MAGI2: variants seen among roughly 807,000 people sequenced by gnomAD.
MAGI2 encodes the protein membrane-associated guanylate kinase, WW and PDZ domain-containing protein 2.
In MAGI2, 35 loss-of-function variants were observed where a neutral mutation model predicts 133.3. The ratio of observed to expected loss-of-function variants is 0.26; its 90% CI spans 0.20 to 0.35. MAGI2 has a LOEUF of 0.35. Ranked by LOEUF, MAGI2 falls within the 10% of genes least tolerant of loss-of-function variation. MAGI2 has a pLI of 1.00. For synonymous variants in MAGI2, 729 were observed against 710.6 expected (o/e 1.03, Z -0.41); for missense variants, 1,636 against 1,863.4 (o/e 0.88, Z 2.25).
chr7:78,468,388 G>C (rs1489205206), intron 6 of MAGI2, among the ~76,000 whole-genome samples: 3 of 151,820 alleles, frequency 2.0e-5, no homozygotes, highest in Non-Finnish European at 4.4e-5. Flanking sequence ...GGAGTGGTAG[G>C]GCATGTGACA....
At chr7:79,022,786 C>T (rs899527740) in intron 1 of MAGI2, among the ~76,000 whole-genome samples, 3 of 152,040 alleles carry the variant, frequency 2.0e-5, no homozygotes, top group East Asian at 3.9e-4. Flanking sequence ...CATACACCAT[C>T]CCAAGATTGA....
At chr7:78,205,521 T>A (rs867123039) in intron 10 of MAGI2, among the ~76,000 whole-genome samples, 10 of 152,342 alleles carry the variant, frequency 6.6e-5, no homozygotes, top group African/African-American at 2.4e-4. Context: ...AAACAATGAA[T>A]AATTTTTTTG....
intron 2 of MAGI2, among the ~76,000 whole-genome samples, chr7:78,744,567 G>A (rs575065846): frequency 2.6e-5 from 4 of 152,108 alleles, no homozygotes; most frequent in South Asian, 2.1e-4. Flanking sequence ...CTTGTTTCTC[G>A]TTGTGGTTTG....
intron 2 of MAGI2, chr7:78,901,497 C>A (rs1366509475): frequency 3.3e-5 from 5 of 152,076 alleles, no homozygotes; most frequent in African/African-American, 7.2e-5. Context: ...AATAATGAAG[C>A]TAATGTTTCT....
At chr7:79,198,668 T>A (rs1828310612) in intron 1 of MAGI2, among the ~76,000 whole-genome samples, 1 of 151,912 alleles carries the variant, frequency 6.6e-6, no homozygotes, top group Admixed American at 6.6e-5. Flanking sequence ...AGAGGGAGGA[T>A]CACCTGTTAG....
intron 10 of MAGI2, among the ~76,000 whole-genome samples, chr7:78,232,854 A>C (rs975676182): frequency 1.6e-4 from 25 of 152,336 alleles, no homozygotes; most frequent in African/African-American, 5.8e-4. Context: ...TGACAAAGAG[A>C]TATAAAACAA....
intron 2 of MAGI2, among the ~76,000 whole-genome samples, chr7:78,925,179 C>T (rs1314000730): frequency 2.0e-5 from 3 of 151,958 alleles, no homozygotes; most frequent in Admixed American, 6.6e-5. Flanking sequence ...AGTGGGAAAG[C>T]GACCTTGAGT....
chr7:79,178,423 T>A (rs1826309993), intron 1 of MAGI2, among the ~76,000 whole-genome samples: 1 of 151,956 alleles, frequency 6.6e-6, no homozygotes, highest in Admixed American at 6.6e-5. Context: ...TGTAAACATA[T>A]TAATATTAAG....
At chr7:78,937,718 T>C (rs1800624891) in intron 2 of MAGI2, among the ~76,000 whole-genome samples, 1 of 152,124 alleles carries the variant, frequency 6.6e-6, no homozygotes, top group African/African-American at 2.4e-5. Flanking sequence ...ATAGACATGG[T>C]CTCTGGATCG....
intron 2 of MAGI2, among the ~76,000 whole-genome samples, chr7:78,984,135 A>G (rs575575690): frequency 1.8e-4 from 28 of 152,002 alleles, no homozygotes; most frequent in African/African-American, 6.7e-4. Flanking sequence ...TCCACTCAAC[A>G]TCCAGCCCAT....
intron 6 of MAGI2, among the ~76,000 whole-genome samples, chr7:78,465,370 A>G (rs1790512114): frequency 6.6e-6 from 1 of 152,172 alleles, no homozygotes; most frequent in South Asian, 2.1e-4. Context: ...GACTTTTGGC[A>G]TGTTCCTTAC....
At chr7:79,417,445 G>A (rs1314196697) in intron 1 of MAGI2, among the ~76,000 whole-genome samples, 1 of 152,078 alleles carries the variant, frequency 6.6e-6, no homozygotes, top group Non-Finnish European at 1.5e-5. Flanking sequence ...TATCTCTGAT[G>A]ACAGCATCAG....
At chr7:78,677,857 T>C (rs1815218387) in intron 2 of MAGI2, among the ~76,000 whole-genome samples, 1 of 152,072 alleles carries the variant, frequency 6.6e-6, no homozygotes, top group Non-Finnish European at 1.5e-5. Flanking sequence ...AAGCTAGTGC[T>C]CTGCATAGTA....
chr7:78,877,009 G>T (rs1301177308), intron 2 of MAGI2, among the ~76,000 whole-genome samples: 4 of 152,078 alleles, frequency 2.6e-5, no homozygotes, highest in Non-Finnish European at 5.9e-5. Context: ...ACCCCCCTCA[G>T]TTGGTTCCTA....
intron 10 of MAGI2, among the ~76,000 whole-genome samples, chr7:78,241,785 T>A (rs191680445): frequency 1.3e-5 from 2 of 151,620 alleles, no homozygotes; most frequent in African/African-American, 4.8e-5. Flanking sequence ...ATAAAAAAAA[T>A]TAGCAGGGTG....
chr7:79,419,060 T>G (rs1328647556), intron 1 of MAGI2, among the ~76,000 whole-genome samples: 1 of 152,074 alleles, frequency 6.6e-6, no homozygotes, highest in Non-Finnish European at 1.5e-5. Context: ...TATTACTTTA[T>G]TTCTAATTTA....
chr7:79,208,504 C>T (rs1269045178), intron 1 of MAGI2, among the ~76,000 whole-genome samples: 1 of 151,894 alleles, frequency 6.6e-6, no homozygotes, highest in East Asian at 1.9e-4. Context: ...CACCTCACAC[C>T]TGTTAGGATA....
At chr7:78,812,031 T>C (rs1789109197) in intron 2 of MAGI2, among the ~76,000 whole-genome samples, 1 of 152,088 alleles carries the variant, frequency 6.6e-6, no homozygotes, top group South Asian at 2.1e-4. Flanking sequence ...GATGAGGAAA[T>C]GTAACCTTGC....
intron 21 of MAGI2, chr7:78,034,975 C>T (rs1288440422): frequency 6.6e-6 from 1 of 152,342 alleles, no homozygotes; most frequent in Non-Finnish European, 1.5e-5. Context: ...TGGGGGGACT[C>T]CACATGGATT....
Sources: gnomAD v4.1 joint callset for allele counts (sites outside exome capture counted in the v4.1 genomes callset) on GRCh38, gnomAD v4.1.1 for gene constraint, MANE v1.5 for transcripts, NCBI Gene and HGNC (gene_info 2026-07-23, HGNC 2026-07-21) for gene names.